The following DOCK5 variants were observed in gnomAD, a reference collection of about 807,000 sequenced individuals.
The protein encoded by DOCK5 is dedicator of cytokinesis 5.
DOCK5 carries 142 observed loss-of-function variants against 251.8 expected under a neutral mutation model. That is an observed-to-expected ratio of 0.56 (90% CI 0.49 to 0.65). DOCK5 has a LOEUF of 0.65. Ranked by LOEUF, DOCK5 falls within the 30% of genes least tolerant of loss-of-function variation. The probability of loss-of-function intolerance (pLI) is 0.00; values close to 1 mark genes in which losing one functional copy is unlikely to be tolerated. For missense variants in DOCK5, 2,111 were observed against 2,312.3 expected (o/e 0.91, Z 1.79); for synonymous variants, 842 against 835.5 (o/e 1.01, Z -0.13).
rs541455591 is a variant in DOCK5 at position 25,197,575 on chromosome 8, CTTTTTTTTT to C, written c.43+12643_43+12651del. Among the ~76,000 whole-genome samples, 20 of 108,270 alleles carry C rather than the reference CTTTTTTTTT, an allele frequency of 1.8e-4. 1 individual carries two copies. The highest frequency in any genetic ancestry group is 4.1e-4 in the African/African-American group (10 of 24,296). 71.0% of individuals were successfully genotyped at this position (108,270 alleles called of 152,430 possible). On this transcript the variant is annotated intron_variant, in intron 1 of 51. Transcript: ENST00000276440. ...CTCTCTTTAAGGATCGTGTCTTTGTCTTTTTTTTTTTTTTTTTTTTTTTTTTTGAGAAGG... is the reference window on the plus strand; with the variant it reads ...CTCTCTTTAAGGATCGTGTCTTTGTCTTTTTTTTTTTTTTTTTTGAGAAGG...
chr8:25,317,188 T>C (rs549389411), intron 14 of DOCK5, 57 bp downstream of exon 14: 164 of 1,591,494 alleles, frequency 1.0e-4, no homozygotes, highest in Non-Finnish European at 1.3e-4. Flanking sequence ...ACAATCACGA[T>C]AGAATCTTGG....
At position 25,400,935 on chromosome 8, in the gene DOCK5, C is replaced by T; in HGVS notation, c.4795C>T (p.Leu1599=). The change falls in exon 47 of 52, where the codon CTG becomes TTG. Residue 1599 remains leucine (L), a synonymous_variant. Transcript: ENST00000276440. ...LKRLIALQMP[L]LTEGIRIHGE... ...TTTTTGCCCTTCTTTCCAGATGCCC[C>T]TGCTAACAGAAGGGATCCGCATCCA... 1 of 1,613,972 alleles carries T rather than the reference C, an allele frequency of 6.2e-7. No individual in the cohort carries two copies. The highest frequency in any genetic ancestry group is 8.5e-7 in the Non-Finnish European group (1 of 1,179,878).
intron 1 of DOCK5, among the ~76,000 whole-genome samples, chr8:25,213,354 A>G (rs1802149435): frequency 1.4e-5 from 2 of 138,550 alleles, no homozygotes; most frequent in Admixed American, 7.4e-5. Context: ...GAAAACAGAC[A>G]TGAATGTAGC....
chr8:25,243,253 G>A (rs1432333746), intron 1 of DOCK5, among the ~76,000 whole-genome samples: 1 of 151,932 alleles, frequency 6.6e-6, no homozygotes, highest in Non-Finnish European at 1.5e-5. Flanking sequence ...CCATTTCTGT[G>A]CTTTACAGTG....
chr8:25,344,468 T>A (rs1489065700), intron 25 of DOCK5, among the ~76,000 whole-genome samples: 1 of 152,140 alleles, frequency 6.6e-6, no homozygotes, highest in East Asian at 1.9e-4. Context: ...TTGAGTGGAT[T>A]GTTGGTGGGA....
In DOCK5 at chr8:25,363,039, C is replaced by G. The variant is rs1205121654; in HGVS notation, c.2950-8C>G. 6.2e-7 allele frequency: 1 copy of G among 1,612,372 alleles called. No individual in the cohort carries two copies. Among genetic ancestry groups the G allele is most frequent in the Non-Finnish European group, 8.5e-7 (1 of 1,178,480 alleles). ...GTTTTCCCCCAACCACTCCTCTGTT[C>G]TCCGCAGGACTTCCTCATGGAAACT... On this transcript the variant is annotated splice_polypyrimidine_tract_variant and splice_region_variant and intron_variant, in intron 28 of 51. Coordinates refer to ENST00000276440, the MANE Select transcript of DOCK5 (RefSeq NM_024940.8).
intron 1 of DOCK5, among the ~76,000 whole-genome samples, chr8:25,196,978 T>G (rs2117451385): frequency 1.3e-5 from 2 of 152,204 alleles, no homozygotes; most frequent in Middle Eastern, 6.8e-3. Flanking sequence ...GCTGGAGGAT[T>G]GCTTGAGCCC....
intron 1 of DOCK5, among the ~76,000 whole-genome samples, chr8:25,225,072 CAAAAACA>C (rs1802495959): frequency 6.6e-6 from 1 of 152,208 alleles, no homozygotes; most frequent in South Asian, 2.1e-4. Flanking sequence ...TGGCTGTTAT[CAAAAACA>C]AAAAACAAAA....
chr8:25,223,151 G>T (rs1225966728), intron 1 of DOCK5, among the ~76,000 whole-genome samples: 1 of 152,018 alleles, frequency 6.6e-6, no homozygotes, highest in African/African-American at 2.4e-5. Context: ...ATATGTGAAG[G>T]TTTTTAAAAA....
At chr8:25,275,347 G>GT in intron 3 of DOCK5, 39 bp from the exon 4 acceptor site, 1 of 1,550,996 alleles carries the variant, frequency 6.4e-7, no homozygotes, top group Non-Finnish European at 8.7e-7. Flanking sequence ...TTTTTGTTTT[G>GT]TTTTTATGGC....
intron 2 of DOCK5, among the ~76,000 whole-genome samples, chr8:25,265,040 A>G (rs1282154881): frequency 2.6e-5 from 4 of 151,942 alleles, no homozygotes; most frequent in African/African-American, 9.7e-5. Flanking sequence ...CATTGGCATC[A>G]CCATCTCCAT....
At chr8:25,361,163 C>T (rs945618914) in intron 28 of DOCK5, among the ~76,000 whole-genome samples, 3 of 152,184 alleles carry the variant, frequency 2.0e-5, no homozygotes, top group African/African-American at 7.2e-5. Flanking sequence ...CATGCCGTCT[C>T]ATTAATTTAG....
chr8:25,240,751 T>A (rs1436441503), intron 1 of DOCK5, among the ~76,000 whole-genome samples: 2 of 152,242 alleles, frequency 1.3e-5, no homozygotes, highest in Non-Finnish European at 2.9e-5. Flanking sequence ...TGAATAATGC[T>A]ACTGTAGTGG....
chr8:25,268,962 C>G (rs1447687134), intron 3 of DOCK5, 77 bp downstream of exon 3: 2 of 1,229,902 alleles, frequency 1.6e-6, no homozygotes, highest in Admixed American at 4.9e-5. Context: ...TGACCCTCTC[C>G]TCTGCTCTCT....
intron 45 of DOCK5, 74 bp downstream of exon 45, chr8:25,395,793 C>A: frequency 6.7e-7 from 1 of 1,491,688 alleles, no homozygotes; most frequent in Non-Finnish European, 9.2e-7. Flanking sequence ...TGCCATTTGC[C>A]ACTGACAAAT....
chr8:25,204,964 T>A (rs965599349), intron 1 of DOCK5, among the ~76,000 whole-genome samples: 2 of 152,102 alleles, frequency 1.3e-5, no homozygotes, highest in Non-Finnish European at 2.9e-5. Flanking sequence ...TGGAGATGGG[T>A]CCTGGGAGAT....
In DOCK5 at chr8:25,342,516, C is replaced by G; in HGVS notation, c.2617+9C>G. 3 of 1,564,196 alleles carry G rather than the reference C, an allele frequency of 1.9e-6. No individual in the cohort carries two copies. The highest frequency in any genetic ancestry group is 1.7e-6 in the Non-Finnish European group (2 of 1,150,588). On this transcript the variant is annotated intron_variant, in intron 25 of 51. Coordinates refer to ENST00000276440, the MANE Select transcript of DOCK5 (RefSeq NM_024940.8). ...TCTTTTTCGACAGTCAGGTAAGTCT[C>G]CTTCAAAACTTGCTGCATGAGGTTG...
intron 2 of DOCK5, among the ~76,000 whole-genome samples, chr8:25,265,148 T>C (rs1429521293): frequency 6.6e-6 from 1 of 152,042 alleles, no homozygotes; most frequent in Non-Finnish European, 1.5e-5. Context: ...TAATCTTGGC[T>C]ACACATTAGC....
At position 25,184,905 on chromosome 8, in the gene DOCK5, C is replaced by A; in HGVS notation, c.-4C>A. On this transcript the variant is annotated 5_prime_UTR_variant, in exon 1 of 52. Transcript: ENST00000276440. Reference sequence around the variant, plus strand: ...CGCCGCCGCCGCGGGGCGAGGTCGCCGCCATGGCCCGCTGGATCCCGACCA... The same window carrying A: ...CGCCGCCGCCGCGGGGCGAGGTCGCAGCCATGGCCCGCTGGATCCCGACCA... The A allele has an allele frequency of 7.0e-7, 1 of 1,418,758 alleles. No individual in the cohort carries two copies. Among genetic ancestry groups the A allele is most frequent in the Non-Finnish European group, 9.3e-7 (1 of 1,077,310 alleles). 87.9% of individuals were successfully genotyped at this position (1,418,758 alleles called of 1,614,324 possible). A position where few individuals can be genotyped will look rare whatever the true frequency, so the allele number is the denominator to read the frequency against.
Sources: gnomAD v4.1 joint callset for allele counts (sites outside exome capture counted in the v4.1 genomes callset) on GRCh38, gnomAD v4.1.1 for gene constraint, MANE v1.5 for transcripts, NCBI Gene and HGNC (gene_info 2026-07-23, HGNC 2026-07-21) for gene names.